Variants in C6orf52 observed in about 807,000 individuals in gnomAD.
The protein encoded by C6orf52 is putative uncharacterized protein C6orf52.
C6orf52 carries 16 observed loss-of-function variants against 16.6 expected under a neutral mutation model. The ratio of observed to expected loss-of-function variants is 0.96; its 90% confidence interval spans 0.65 to 1.46. The LOEUF (loss-of-function observed/expected upper bound fraction) is 1.46. Ranked by LOEUF, C6orf52 falls within the 40% of genes most tolerant of loss-of-function variation. The pLI, the probability that C6orf52 is intolerant of heterozygous loss-of-function variation, is 0.00. For synonymous variants in C6orf52, 53 were observed against 61.4 expected (o/e 0.86, Z 0.64); for missense variants, 166 against 182.3 (o/e 0.91, Z 0.52).
At chr6:10,686,891 G>T in intron 3 of C6orf52, 75 bp downstream of exon 3, 1 of 1,095,296 alleles carries the variant, frequency 9.1e-7, no homozygotes, top group Non-Finnish European at 1.3e-6. Context: ...GGACACAGAT[G>T]TGTGAAGATA....
Position 10,679,581 on chromosome 6 carries a change from C to A in C6orf52, c.316+3606G>T, listed in dbSNP as rs533715981. 0.019 allele frequency among the ~76,000 whole-genome samples: 2,023 copies of A among 108,786 alleles called. 55 individuals carry two copies. In the African/African-American group the frequency reaches 0.22, roughly 12 times the overall value. 71.4% of individuals were successfully genotyped at this position (108,786 alleles called of 152,430 possible). On this transcript the variant is annotated intron_variant, in intron 4 of 4. Coordinates refer to ENST00000259983, the MANE Select transcript of C6orf52 (RefSeq NM_001145020.3). ...CTTCTAACTTGTTAAAAAAAAAAAACAAAAAACAAAAACCATAGTCTCTGT... is the reference window on the plus strand; with the variant it reads ...CTTCTAACTTGTTAAAAAAAAAAAAAAAAAAACAAAAACCATAGTCTCTGT...
chr6:10,694,277 A>G (rs1769642978), intron 1 of C6orf52, among the ~76,000 whole-genome samples: 1 of 151,618 alleles, frequency 6.6e-6, no homozygotes, highest in Non-Finnish European at 1.5e-5. Context: ...AAAAAAAAAA[A>G]AATGAAGGCT....
intron 4 of C6orf52, among the ~76,000 whole-genome samples, chr6:10,678,165 AAC>A (rs1468316491): frequency 1.3e-5 from 2 of 149,638 alleles, no homozygotes; most frequent in African/African-American, 2.5e-5. Context: ...CAGCCTGGGC[AAC>A]AGAGTGAGAC....
intron 3 of C6orf52, among the ~76,000 whole-genome samples, chr6:10,684,671 A>C (rs989629206): frequency 3.3e-5 from 5 of 152,234 alleles, no homozygotes; most frequent in Non-Finnish European, 7.3e-5. Context: ...TGAAAATGTA[A>C]AGGAGAGGGC....
chr6:10,690,696 G>A (rs891956753), intron 1 of C6orf52, among the ~76,000 whole-genome samples: 4 of 152,128 alleles, frequency 2.6e-5, no homozygotes, highest in African/African-American at 7.2e-5. Context: ...TAGCTCAAGA[G>A]CAAAAACCTT....
At chr6:10,690,744 ATCCTC>A (rs1353856229) in intron 1 of C6orf52, among the ~76,000 whole-genome samples, 3 of 152,158 alleles carry the variant, frequency 2.0e-5, no homozygotes, top group African/African-American at 7.2e-5. Flanking sequence ...ACAAAACAAT[ATCCTC>A]TCGTGCTTTA....
intron 1 of C6orf52, among the ~76,000 whole-genome samples, chr6:10,688,540 G>A (rs1216314310): frequency 6.6e-6 from 1 of 152,138 alleles, no homozygotes; most frequent in Non-Finnish European, 1.5e-5. Context: ...ACCAGTTATT[G>A]AGCCATTACT....
At chr6:10,681,187 G>A (rs1156326928) in intron 4 of C6orf52, among the ~76,000 whole-genome samples, 2 of 152,126 alleles carry the variant, frequency 1.3e-5, no homozygotes, top group African/African-American at 4.8e-5. Context: ...AATCTTGGTA[G>A]GTGGTAGATT....
intron 3 of C6orf52, among the ~76,000 whole-genome samples, chr6:10,683,634 G>GT (rs1768602334): frequency 6.6e-6 from 1 of 152,180 alleles, no homozygotes. Flanking sequence ...AAGACAATCT[G>GT]TTAAGTCTCC....
At chr6:10,693,969 A>G (rs1769599768) in intron 1 of C6orf52, among the ~76,000 whole-genome samples, 1 of 152,148 alleles carries the variant, frequency 6.6e-6, no homozygotes. Flanking sequence ...CTCTCAAATG[A>G]AGGCTCTGGC....
Position 10,687,489 on chromosome 6 carries a change from T to C in C6orf52, c.62A>G (p.Tyr21Cys). Residue 21 changes from tyrosine to cysteine, a missense_variant, in exon 2 of 5, where the codon TAC becomes TGC. Physicochemically the swap from Tyr to Cys is radical, Grantham distance 194. Transcript: ENST00000259983. The part of the protein sequence containing the change: ...GIAQQNNYYC[Y>C]WQSLPSAIRV... ...GGAGAAAACCACTCACCTTTGCCAG[T>C]AGCAGTAATAGTTATTTTGTTGAGC... The C allele has an allele frequency of 3.2e-6, 5 of 1,547,710 alleles. No homozygotes were observed. The highest frequency in any genetic ancestry group is 4.4e-6 in the Non-Finnish European group (5 of 1,143,708).
At chr6:10,683,055 T>A in intron 4 of C6orf52, 132 bp downstream of exon 4, 1 of 551,880 alleles carries the variant, frequency 1.8e-6, no homozygotes, top group Non-Finnish European at 3.2e-6. Flanking sequence ...GAGAAATTAC[T>A]GAAGCATATG....
intron 3 of C6orf52, among the ~76,000 whole-genome samples, chr6:10,685,600 G>A (rs769417552): frequency 2.6e-5 from 4 of 152,174 alleles, no homozygotes; most frequent in East Asian, 3.8e-4. Flanking sequence ...GGGGAAGTCC[G>A]TAACATTTAG....
At position 10,686,988 on chromosome 6, in the gene C6orf52, G is replaced by GT; in HGVS notation, c.247_248insA (p.Ala83AspfsTer8). On this transcript the variant is annotated frameshift_variant, in exon 3 of 5. Transcript: ENST00000259983. LOFTEE classifies it high-confidence loss of function. ...TACCTTAGGCATAACCAGAGTTCCAGCTGTGTGTTCAGGGGTCTCATGCGC... is the reference window on the plus strand; with the variant it reads ...TACCTTAGGCATAACCAGAGTTCCAGTCTGTGTGTTCAGGGGTCTCATGCGC... 2 of 1,549,916 alleles carry GT rather than the reference G, an allele frequency of 1.3e-6. No homozygotes were observed. Among genetic ancestry groups the GT allele is most frequent in the Non-Finnish European group, 1.7e-6 (2 of 1,146,190 alleles).
rs983863429 is a variant in C6orf52, at chr6:10,671,477, G to A, written c.438C>T (p.Ile146=). Residue 146 remains isoleucine, a synonymous_variant, in exon 5 of 5, where the codon ATC becomes ATT. Coordinates refer to ENST00000259983, the MANE Select transcript of C6orf52 (RefSeq NM_001145020.3). ...TGCTTCACTTCGGGGTCTCATCTGG[G>A]ATTTCGGAGTGAACTGTGTCCAGAG... ...WQPLDTVHSE[I]PDETPK The A allele has an allele frequency of 3.5e-5, 54 of 1,546,862 alleles. No individual in the cohort carries two copies. Among genetic ancestry groups the A allele is most frequent in the South Asian group, 3.0e-4 (25 of 82,792 alleles).
At chr6:10,679,511 C>T (rs778428997) in intron 4 of C6orf52, among the ~76,000 whole-genome samples, 4 of 147,798 alleles carry the variant, frequency 2.7e-5, no homozygotes, top group African/African-American at 7.8e-5. Context: ...ATACCGTTTG[C>T]GAAAATGGCA....
At position 10,672,470 on chromosome 6, in the gene C6orf52, A is replaced by G. The variant is rs1001554657; in HGVS notation, c.317-872T>C. Reference sequence around the variant, plus strand: ...GGCCTCTGGGAGGTTAGATGAGGTCATAAGAGTTGGGTGCTGGTCTGACAG... The same window carrying G: ...GGCCTCTGGGAGGTTAGATGAGGTCGTAAGAGTTGGGTGCTGGTCTGACAG... On this transcript the variant is annotated intron_variant, in intron 4 of 4. Coordinates refer to ENST00000259983, the MANE Select transcript of C6orf52 (RefSeq NM_001145020.3). 2.2e-5 allele frequency: 14 copies of G among 635,716 alleles called. No individual in the cohort carries two copies. The Admixed American group carries it at 3.1e-4, about 14-fold the overall frequency. 39.4% of individuals were successfully genotyped at this position (635,716 alleles called of 1,614,324 possible).
At position 10,687,556 on chromosome 6, in the gene C6orf52, C is replaced by T. The variant is rs1768963881; in HGVS notation, c.-6G>A. ...GAACTCTCTGGTTGGGCCATTTACCCAGAAACTTTACAAAAAGAGAGCAGA... is the reference window on the plus strand; with the variant it reads ...GAACTCTCTGGTTGGGCCATTTACCTAGAAACTTTACAAAAAGAGAGCAGA... On this transcript the variant is annotated 5_prime_UTR_variant, in exon 2 of 5. Transcript: ENST00000259983. 1 of 1,547,206 alleles carries T rather than the reference C, an allele frequency of 6.5e-7. No homozygotes were observed. Among genetic ancestry groups the T allele is most frequent in the East Asian group, 2.4e-5 (1 of 40,906 alleles).
intron 4 of C6orf52, 143 bp from the exon 5 acceptor site, chr6:10,671,741 T>G: frequency 1.9e-6 from 1 of 514,862 alleles, no homozygotes; most frequent in Non-Finnish European, 3.3e-6. Flanking sequence ...ATTGCATATT[T>G]CCTTTCAATA....
Sources: allele counts gnomAD v4.1 joint callset (sites outside exome capture counted in the v4.1 genomes callset), GRCh38; gene constraint gnomAD v4.1.1; transcripts MANE v1.5; gene names NCBI Gene and HGNC (gene_info 2026-07-23, HGNC 2026-07-21).